RGS6: variants seen among roughly 807,000 people sequenced by gnomAD.
RGS6 encodes the protein regulator of G protein signaling 6.
RGS6 carries 30 observed loss-of-function variants against 78.5 expected under a neutral mutation model. The observed-to-expected ratio is 0.38, with a 90% CI of 0.29 to 0.52. RGS6 has a LOEUF of 0.52. Ranked by LOEUF, RGS6 falls within the 20% of genes least tolerant of loss-of-function variation. The probability of loss-of-function intolerance (pLI) is 0.85; values close to 1 mark genes in which losing one functional copy is unlikely to be tolerated. For missense variants in RGS6, 495 were observed against 609.7 expected (o/e 0.81, Z 1.98); for synonymous variants, 206 against 206.0 (o/e 1.00, Z 0.00).
intron 16 of RGS6, among the ~76,000 whole-genome samples, chr14:72,537,001 C>A (rs1026480913): frequency 6.6e-6 from 1 of 152,072 alleles, no homozygotes; most frequent in African/African-American, 2.4e-5. Context: ...CAGCTAGATT[C>A]CTGGGAAGAG....
the RGS6 span, among the ~76,000 whole-genome samples, chr14:71,905,952 C>T: frequency 1.3e-5 from 2 of 152,138 alleles, no homozygotes; most frequent in Non-Finnish European, 2.9e-5. Context: ...AATTGTGATA[C>T]ACGAGGCCGA....
intron 2 of RGS6, among the ~76,000 whole-genome samples, chr14:72,338,375 C>T (rs1307664458): frequency 6.6e-6 from 1 of 152,152 alleles, no homozygotes; most frequent in Non-Finnish European, 1.5e-5. Context: ...GAGAGCCAAG[C>T]AAAAGAGGAA....
At chr14:71,928,141 T>C (rs115358293), upstream of RGS6, among the ~76,000 whole-genome samples, 751 of 152,312 alleles carry the variant, frequency 4.9e-3, 7 homozygotes, top group African/African-American at 0.017. Context: ...TGTAGGTGTG[T>C]GCCACTGCAT....
At chr14:72,401,347 G>T (rs1406380951) in intron 3 of RGS6, among the ~76,000 whole-genome samples, 1 of 152,032 alleles carries the variant, frequency 6.6e-6, no homozygotes, top group East Asian at 1.9e-4. Flanking sequence ...TTCCTGAAAA[G>T]CTTCAAAGCA....
chr14:72,467,410 C>T (rs1442845275), intron 7 of RGS6, among the ~76,000 whole-genome samples: 1 of 152,120 alleles, frequency 6.6e-6, no homozygotes, highest in Non-Finnish European at 1.5e-5. Flanking sequence ...CTTTTACTGC[C>T]TCAGTCTTTC....
At chr14:72,054,040 C>T (rs1220288651) in intron 2 of RGS6, among the ~76,000 whole-genome samples, 1 of 152,160 alleles carries the variant, frequency 6.6e-6, no homozygotes, top group Non-Finnish European at 1.5e-5. Context: ...TAGCAATTTC[C>T]ATAACTTCTA....
intron 17 of RGS6, among the ~76,000 whole-genome samples, chr14:72,552,289 G>T (rs560216319): frequency 1.3e-5 from 2 of 152,294 alleles, no homozygotes; most frequent in South Asian, 4.2e-4. Context: ...GGACTGTGGT[G>T]CCCAGCAGGC....
At chr14:72,412,189 T>A (rs1279131286) in intron 3 of RGS6, among the ~76,000 whole-genome samples, 1 of 152,208 alleles carries the variant, frequency 6.6e-6, no homozygotes, top group African/African-American at 2.4e-5. Flanking sequence ...TGTGAATCCA[T>A]CTGGTCCTGG....
intron 3 of RGS6, among the ~76,000 whole-genome samples, chr14:72,395,161 T>C (rs930824505): frequency 1.3e-5 from 2 of 152,224 alleles, no homozygotes; most frequent in African/African-American, 4.8e-5. Flanking sequence ...AGTATGTTTC[T>C]GTGAAGACCA....
upstream of RGS6, among the ~76,000 whole-genome samples, chr14:71,929,746 T>C (rs969559353): frequency 6.6e-6 from 1 of 152,186 alleles, no homozygotes; most frequent in African/African-American, 2.4e-5. Flanking sequence ...TAATTCTATC[T>C]TTTCTTCTTC....
chr14:72,493,196 C>A (rs181350215), intron 12 of RGS6, among the ~76,000 whole-genome samples: 4 of 151,984 alleles, frequency 2.6e-5, no homozygotes, highest in African/African-American at 9.7e-5. Flanking sequence ...GAAGGCTCAG[C>A]GTGAAAGAGT....
chr14:72,239,525 T>A (rs2052179809), intron 2 of RGS6, among the ~76,000 whole-genome samples: 1 of 152,186 alleles, frequency 6.6e-6, no homozygotes, highest in Non-Finnish European at 1.5e-5. Flanking sequence ...CTGACATTCC[T>A]AGTGGGTGGG....
chr14:72,067,270 G>A (rs1483679721), intron 2 of RGS6, among the ~76,000 whole-genome samples: 1 of 152,092 alleles, frequency 6.6e-6, no homozygotes, highest in South Asian at 2.1e-4. Context: ...ATGAGAACAC[G>A]TGGATGCAGG....
chr14:72,206,637 G>A (rs1011019411), intron 2 of RGS6, among the ~76,000 whole-genome samples: 1 of 152,126 alleles, frequency 6.6e-6, no homozygotes, highest in Non-Finnish European at 1.5e-5. Flanking sequence ...TACATGGATG[G>A]CAGCAGGCAG....
chr14:72,574,458 G>A, the RGS6 span, among the ~76,000 whole-genome samples: 1 of 152,204 alleles, frequency 6.6e-6, no homozygotes, highest in Non-Finnish European at 1.5e-5. Flanking sequence ...ATAGTTAAGA[G>A]TGAGGCCGGG....
At chr14:72,256,452 T>C (rs1594882078) in intron 2 of RGS6, among the ~76,000 whole-genome samples, 1 of 152,310 alleles carries the variant, frequency 6.6e-6, no homozygotes, top group Non-Finnish European at 1.5e-5. Context: ...TCATGTGACC[T>C]CTGGCTAGAT....
chr14:72,237,836 G>A (rs847275), intron 2 of RGS6, among the ~76,000 whole-genome samples: 50,028 of 151,850 alleles, frequency 0.33, 9,158 homozygotes, highest in South Asian at 0.46. Context: ...AGGGTTGTCT[G>A]CGACCTCTGG....
chr14:72,510,413 T>C (rs2096864333), intron 14 of RGS6, 134 bp downstream of exon 14: 1 of 1,134,478 alleles, frequency 8.8e-7, no homozygotes, highest in South Asian at 1.4e-5. Flanking sequence ...CTGGCTGAGG[T>C]TGAAATGGAG....
intron 2 of RGS6, among the ~76,000 whole-genome samples, chr14:72,312,077 G>A (rs934066338): frequency 2.0e-5 from 3 of 152,160 alleles, no homozygotes; most frequent in Admixed American, 1.3e-4. Context: ...CAGCTCTTGG[G>A]GGCAGCCTGA....
Sources: allele counts gnomAD v4.1 joint callset (sites outside exome capture counted in the v4.1 genomes callset), GRCh38; gene constraint gnomAD v4.1.1; transcripts MANE v1.5; gene names NCBI Gene and HGNC (gene_info 2026-07-23, HGNC 2026-07-21).